The following PLXNA1 variants were observed in gnomAD, a reference collection of about 807,000 sequenced individuals.
PLXNA1 encodes plexin-A1.
PLXNA1 carries 77 observed loss-of-function variants against 191.7 expected under a neutral mutation model. The ratio of observed to expected loss-of-function variants is 0.40; its 90% confidence interval spans 0.33 to 0.49. The LOEUF is 0.49. Ranked by LOEUF, PLXNA1 falls within the 20% of genes least tolerant of loss-of-function variation. The probability of loss-of-function intolerance (pLI) is 0.63; values close to 1 mark genes in which losing one functional copy is unlikely to be tolerated. For synonymous variants in PLXNA1, 1,137 were observed against 1,156.4 expected (o/e 0.98, Z 0.34); for missense variants, 2,110 against 2,660.2 (o/e 0.79, Z 4.55).
At chr3:127,030,777 G>A (rs536751824) in intron 29 of PLXNA1, among the ~76,000 whole-genome samples, 1 of 152,298 alleles carries the variant, frequency 6.6e-6, no homozygotes, top group Non-Finnish European at 1.5e-5. Context: ...AGGGCAACAG[G>A]GACTGCAGGT....
chr3:126,985,260 C>T (rs2078952474), intron 1 of PLXNA1, among the ~76,000 whole-genome samples: 1 of 152,100 alleles, frequency 6.6e-6, no homozygotes, highest in African/African-American at 2.4e-5. Context: ...CCCTCCTGTC[C>T]AGGAGAGGAG....
chr3:127,013,957 G>C, intron 10 of PLXNA1, 63 bp from the exon 11 acceptor site: 1 of 1,468,054 alleles, frequency 6.8e-7, no homozygotes, highest in Non-Finnish European at 9.5e-7. Flanking sequence ...CTTTGTGGGC[G>C]TGAGGCTTGG....
intron 4 of PLXNA1, 119 bp from the exon 5 acceptor site, chr3:127,004,492 C>CT: frequency 1.3e-6 from 1 of 745,780 alleles, no homozygotes; most frequent in Non-Finnish European, 2.3e-6. Flanking sequence ...TTTGAATAGA[C>CT]TGAGAACAAG....
intron 3 of PLXNA1, among the ~76,000 whole-genome samples, chr3:126,994,202 G>A (rs2079004447): frequency 6.6e-6 from 1 of 152,138 alleles, no homozygotes; most frequent in Non-Finnish European, 1.5e-5. Flanking sequence ...CCTTGGAGGA[G>A]GCTGGGCAGA....
At chr3:127,015,051 G>A (rs759178160) in intron 14 of PLXNA1, 133 bp from the exon 15 acceptor site, 101 of 1,394,738 alleles carry the variant, frequency 7.2e-5, no homozygotes, top group Non-Finnish European at 9.7e-5. Flanking sequence ...TGGCTCTGAA[G>A]TGCAGCTCCC....
In PLXNA1 at chr3:127,032,852, G is replaced by A; in HGVS notation, c.5595+16G>A. ...CAAGGATGAGGTGAACACCGTGGGA[G>A]CCCACAGGCTGGGCTAGGAGGGCTT... On this transcript the variant is annotated intron_variant, in intron 31 of 31. Coordinates refer to ENST00000393409, the MANE Select transcript of PLXNA1 (RefSeq NM_032242.4). 2 of 1,610,780 alleles carry A rather than the reference G, an allele frequency of 1.2e-6. No homozygotes were observed. The highest frequency in any genetic ancestry group is 1.7e-6 in the Non-Finnish European group (2 of 1,178,978).
rs768324310 is a variant in PLXNA1 at position 127,017,909 on chromosome 3, G to C, written c.3660+17G>C. ...AAGGTCACGGTGCGTCTGTCCACCG[G>C]GGGTGCAGAGCTGGGAGAGCCATGC... is the stretch of plus-strand genomic sequence containing the variant. On this transcript the variant is annotated intron_variant, in intron 19 of 31. Coordinates refer to ENST00000393409, the MANE Select transcript of PLXNA1 (RefSeq NM_032242.4). 2.5e-6 allele frequency: 4 copies of C among 1,610,838 alleles called. No homozygotes were observed. Among genetic ancestry groups the C allele is most frequent in the South Asian group, 2.2e-5 (2 of 91,022 alleles).
chr3:127,011,232 G>A (rs777283433), intron 9 of PLXNA1, among the ~76,000 whole-genome samples: 46 of 152,234 alleles, frequency 3.0e-4, no homozygotes, highest in Non-Finnish European at 6.2e-4. Flanking sequence ...CCTCTCCCCA[G>A]TGGACACAGG....
rs1265660916 is a variant in PLXNA1, at chr3:127,016,535, C to A, written c.3033C>A (p.Ile1011=). 6.2e-7 allele frequency: 1 copy of A among 1,613,768 alleles called. No individual in the cohort carries two copies. The highest frequency in any genetic ancestry group is 1.7e-5 in the Admixed American group (1 of 60,020). Residue 1011 remains isoleucine, a synonymous_variant, in exon 16 of 32, where the codon ATC becomes ATA. Coordinates refer to ENST00000393409, the MANE Select transcript of PLXNA1 (RefSeq NM_032242.4). ...CCTCCAGGAGGAACTCCCGTGAGATCCGGTGCCTGACACCCCCCGGGCAGA... is the reference window on the plus strand; with the variant it reads ...CCTCCAGGAGGAACTCCCGTGAGATACGGTGCCTGACACCCCCCGGGCAGA... ...CSFSWRNSRE[I]RCLTPPGQSP...
At chr3:126,990,781 C>A (rs1356799823) in intron 2 of PLXNA1, among the ~76,000 whole-genome samples, 1 of 152,212 alleles carries the variant, frequency 6.6e-6, no homozygotes, top group East Asian at 1.9e-4. Flanking sequence ...GTCCACCCTC[C>A]CCTTGGCTTT....
At chr3:127,017,982 G>A (rs2079133098) in intron 19 of PLXNA1, 90 bp downstream of exon 19, 6 of 1,525,188 alleles carry the variant, frequency 3.9e-6, no homozygotes, top group Middle Eastern at 1.9e-4. Context: ...CTCTGACCTT[G>A]CCCGAGACTC....
intron 9 of PLXNA1, among the ~76,000 whole-genome samples, chr3:127,010,652 A>G (rs778641743): frequency 6.6e-6 from 1 of 151,852 alleles, no homozygotes; most frequent in African/African-American, 2.4e-5. Flanking sequence ...ACACGCTCAC[A>G]CTGGTGTTGG....
intron 3 of PLXNA1, among the ~76,000 whole-genome samples, chr3:126,994,366 G>C (rs1305787308): frequency 1.3e-5 from 2 of 152,128 alleles, no homozygotes; most frequent in African/African-American, 4.8e-5. Flanking sequence ...TGCTGCTGTG[G>C]GTGCATTTTG....
At position 127,016,758 on chromosome 3, in the gene PLXNA1, G is replaced by A. The variant is rs558954992; in HGVS notation, c.3182+74G>A. ...GCTGAGCCAGGAGCTCTTCCACTGGGCACTTGGCGGTGGCCCTCCTGCATG... is the reference window on the plus strand; with the variant it reads ...GCTGAGCCAGGAGCTCTTCCACTGGACACTTGGCGGTGGCCCTCCTGCATG... On this transcript the variant is annotated intron_variant, in intron 16 of 31. Coordinates refer to ENST00000393409, the MANE Select transcript of PLXNA1 (RefSeq NM_032242.4). 1.0e-4 allele frequency: 156 copies of A among 1,543,332 alleles called. No individual in the cohort carries two copies. In the South Asian group the frequency reaches 1.5e-3, roughly 15 times the overall value.
At chr3:127,016,404 A>G in intron 15 of PLXNA1, 113 bp from the exon 16 acceptor site, 1 of 909,546 alleles carries the variant, frequency 1.1e-6, no homozygotes. Context: ...GCAGCCACCC[A>G]AGGCAGTACC....
At chr3:127,017,305 G>C in intron 17 of PLXNA1, 120 bp from the exon 18 acceptor site, 1 of 1,418,280 alleles carries the variant, frequency 7.1e-7, no homozygotes, top group Non-Finnish European at 9.5e-7. Context: ...GACCAGCCCT[G>C]CTAGTGCCTG....
At chr3:127,013,068 A>G (rs2079103514) in intron 10 of PLXNA1, among the ~76,000 whole-genome samples, 1 of 152,140 alleles carries the variant, frequency 6.6e-6, no homozygotes, top group African/African-American at 2.4e-5. Context: ...CTGTCCCAGC[A>G]GTGTGGGGTA....
Position 127,022,202 on chromosome 3 carries a change from C to A in PLXNA1, c.4156C>A (p.Arg1386Ser). The change falls in exon 22 of 32, where the codon CGC becomes AGC. Residue 1386 changes from arginine (R) to serine (S), a missense_variant. This residue lies in a region of PLXNA1 where 559 missense variants were observed against 911.5 expected (regional missense o/e 0.61). Transcript: ENST00000393409. ...EAQRSFSMRD[R>S]GNVASLIMTA... The stretch of plus-strand genomic sequence containing the variant: ...ACAGCGCAGCTTCTCCATGCGCGAC[C>A]GCGGGAATGTGGCCTCGCTCATCAT... 1 of 1,613,396 alleles carries A rather than the reference C, an allele frequency of 6.2e-7. No individual in the cohort carries two copies. The highest frequency in any genetic ancestry group is 8.5e-7 in the Non-Finnish European group (1 of 1,179,980).
chr3:126,989,534 A>T lies in PLXNA1; in HGVS notation c.941A>T (p.Asp314Val). Reference protein sequence around the residue: ...QAGVEYRLVQDAYLSRPGRAL... With the variant: ...QAGVEYRLVQVAYLSRPGRAL... ...GGTGTGGAGTACCGCCTGGTGCAGG[A>T]TGCCTACCTGAGCCGGCCCGGCCGT... The change falls in exon 2 of 32, where the codon GAT becomes GTT. Residue 314 changes from aspartate to valine, a missense_variant. Coordinates refer to ENST00000393409, the MANE Select transcript of PLXNA1 (RefSeq NM_032242.4). 2 of 1,613,296 alleles carry T rather than the reference A, an allele frequency of 1.2e-6. No individual in the cohort carries two copies. Among genetic ancestry groups the T allele is most frequent in the Non-Finnish European group, 1.7e-6 (2 of 1,180,036 alleles).
Sources: gnomAD v4.1 joint callset for allele counts (sites outside exome capture counted in the v4.1 genomes callset) on GRCh38, gnomAD v4.1.1 for gene constraint, gnomAD v4.1.1 regional missense constraint, MANE v1.5 for transcripts, NCBI Gene and HGNC (gene_info 2026-07-23, HGNC 2026-07-21) for gene names.